SANBR: variants seen among roughly 807,000 people sequenced by gnomAD.
SANBR encodes the protein SANT and BTB domain regulator of CSR.
SANBR carries 77 observed loss-of-function variants against 101.8 expected under a neutral mutation model. The ratio of observed to expected loss-of-function variants is 0.76; its 90% confidence interval spans 0.63 to 0.91. SANBR has a LOEUF of 0.91. Among genes scored for constraint, SANBR ranks in the 40% least tolerant of loss-of-function variants. The probability of loss-of-function intolerance (pLI) is 0.00; values close to 1 mark genes in which losing one functional copy is unlikely to be tolerated. For synonymous variants in SANBR, 279 were observed against 274.7 expected (o/e 1.02, Z -0.15); for missense variants, 875 against 853.0 (o/e 1.03, Z -0.32).
chr2:61,123,712 A>T lies in SANBR; in HGVS notation c.*1550A>T. The T allele has an allele frequency of 2.0e-6, 2 of 985,338 alleles. No homozygotes were observed. Among genetic ancestry groups the T allele is most frequent in the Non-Finnish European group, 2.4e-6 (2 of 829,692 alleles). The allele number at this position is 985,338 out of a possible 1,614,324, so 61.0% of individuals were successfully genotyped here. ...GCTCTTTTGATTTTTAACTGATGGT[A>T]AAAAGGCAAACTGCTTCTCCCCTGG... is the stretch of plus-strand genomic sequence containing the variant. On this transcript the variant is annotated 3_prime_UTR_variant, in exon 22 of 22. Transcript: ENST00000402291.
chr2:61,110,220 A>G (rs1683764412), intron 16 of SANBR, among the ~76,000 whole-genome samples: 1 of 152,132 alleles, frequency 6.6e-6, no homozygotes, highest in South Asian at 2.1e-4. Flanking sequence ...TTTTTATTGC[A>G]GAGTGGTATT....
intron 2 of SANBR, among the ~76,000 whole-genome samples, chr2:61,069,382 C>T (rs1030056836): frequency 2.6e-5 from 4 of 151,138 alleles, no homozygotes; most frequent in African/African-American, 4.9e-5. Context: ...CAGCAAGGTT[C>T]GATGACTTGC....
chr2:61,113,310 G>C (rs1319700100), intron 16 of SANBR, among the ~76,000 whole-genome samples: 1 of 152,106 alleles, frequency 6.6e-6, no homozygotes, highest in African/African-American at 2.4e-5. Context: ...GGCCTTTCAA[G>C]GTACGTTGCA....
chr2:61,100,083 AAT>A (rs1683212431), intron 12 of SANBR, among the ~76,000 whole-genome samples: 1 of 152,036 alleles, frequency 6.6e-6, no homozygotes, highest in Non-Finnish European at 1.5e-5. Context: ...TTAGGTTATG[AAT>A]ATTTGTTTAG....
At chr2:61,126,346 T>G (rs907423348), downstream of SANBR, among the ~76,000 whole-genome samples, 1 of 152,188 alleles carries the variant, frequency 6.6e-6, no homozygotes, top group Admixed American at 6.5e-5. Context: ...TATTAACATC[T>G]TTTTCATGAA....
intron 16 of SANBR, among the ~76,000 whole-genome samples, chr2:61,112,907 C>T (rs1367656067): frequency 6.6e-6 from 1 of 152,118 alleles, no homozygotes; most frequent in Non-Finnish European, 1.5e-5. Flanking sequence ...TATTTGCCTA[C>T]CTCAAAGTCA....
intron 11 of SANBR, among the ~76,000 whole-genome samples, chr2:61,095,574 G>A (rs1260800680): frequency 6.6e-6 from 1 of 152,158 alleles, no homozygotes; most frequent in African/African-American, 2.4e-5. Flanking sequence ...TCAGTGCTTA[G>A]ATTGTTAATG....
At chr2:61,079,007 C>T (rs764332279) in intron 6 of SANBR, among the ~76,000 whole-genome samples, 60 of 151,964 alleles carry the variant, frequency 3.9e-4, no homozygotes, top group Non-Finnish European at 3.2e-4. Context: ...CCACCGCATT[C>T]CAGCCTGGGT....
At chr2:61,067,497 G>A (rs1025481941) in intron 1 of SANBR, among the ~76,000 whole-genome samples, 1 of 152,122 alleles carries the variant, frequency 6.6e-6, no homozygotes. Flanking sequence ...CAGCACTTTG[G>A]GAGGCCGAGA....
chr2:61,106,692 T>G, intron 14 of SANBR, 30 bp downstream of exon 14: 1 of 1,251,256 alleles, frequency 8.0e-7, no homozygotes, highest in Non-Finnish European at 1.1e-6. Context: ...TTATTCTTTA[T>G]TTACATAAAT....
chr2:61,133,240 G>C (rs1684742939), intron 20 of SANBR, among the ~76,000 whole-genome samples: 1 of 151,442 alleles, frequency 6.6e-6, no homozygotes, highest in African/African-American at 2.4e-5. Flanking sequence ...CTGGGCAACA[G>C]AGCAAGACTC....
At chr2:61,104,128 A>G in intron 13 of SANBR, 130 bp downstream of exon 13, 6 of 745,438 alleles carry the variant, frequency 8.0e-6, no homozygotes. Flanking sequence ...CTTAACTGAA[A>G]TTATATGTTA....
At chr2:61,111,369 T>C (rs1345345224) in intron 16 of SANBR, among the ~76,000 whole-genome samples, 1 of 152,106 alleles carries the variant, frequency 6.6e-6, no homozygotes, top group Non-Finnish European at 1.5e-5. Flanking sequence ...CTCCAGCCTG[T>C]GCGACAGAGC....
intron 8 of SANBR, 40 bp downstream of exon 8, chr2:61,083,354 T>TAA: frequency 8.7e-7 from 1 of 1,146,418 alleles, no homozygotes; most frequent in Non-Finnish European, 1.3e-6. Context: ...ATACTCCTGT[T>TAA]AAAAGAAATA....
At chr2:61,132,435 A>G (rs747762683) in intron 20 of SANBR, among the ~76,000 whole-genome samples, 2 of 152,364 alleles carry the variant, frequency 1.3e-5, no homozygotes, top group Non-Finnish European at 2.9e-5. Flanking sequence ...ATCATTGGCC[A>G]TCAGGGAAAT....
At chr2:61,098,109 G>GTT (rs34130593) in intron 12 of SANBR, among the ~76,000 whole-genome samples, 2 of 128,102 alleles carry the variant, frequency 1.6e-5, no homozygotes, top group Non-Finnish European at 3.2e-5. Context: ...TTGTTTTTTT[G>GTT]TTTTTTTTTT....
chr2:61,068,814 G>C (rs1681313537), intron 1 of SANBR, 35 bp from the exon 2 acceptor site: 1 of 152,326 alleles, frequency 6.6e-6, no homozygotes, highest in Non-Finnish European at 1.5e-5. Flanking sequence ...TCAGAAGTAT[G>C]TAAGCTAGCT....
At chr2:61,120,862 T>C (rs1399381100) in intron 20 of SANBR, among the ~76,000 whole-genome samples, 1 of 152,176 alleles carries the variant, frequency 6.6e-6, no homozygotes, top group East Asian at 1.9e-4. Context: ...ACTATGGGGA[T>C]AGAAAACAGA....
intron 6 of SANBR, among the ~76,000 whole-genome samples, chr2:61,080,206 A>G (rs1030552766): frequency 6.6e-6 from 1 of 151,782 alleles, no homozygotes; most frequent in African/African-American, 2.4e-5. Flanking sequence ...CAAAAAAAAA[A>G]AAAAAAAAGC....
Sources: allele counts gnomAD v4.1 joint callset (sites outside exome capture counted in the v4.1 genomes callset), GRCh38; gene constraint gnomAD v4.1.1; transcripts MANE v1.5; gene names NCBI Gene and HGNC (gene_info 2026-07-23, HGNC 2026-07-21).